EXOSC10: variants seen among roughly 807,000 people sequenced by gnomAD.
EXOSC10 encodes the protein exosome complex component 10.
EXOSC10 carries 94 observed loss-of-function variants against 126.6 expected under a neutral mutation model. That is an observed-to-expected ratio of 0.74 (90% CI 0.63 to 0.88). The LOEUF (loss-of-function observed/expected upper bound fraction) is 0.88. Among genes scored for constraint, EXOSC10 ranks in the 40% least tolerant of loss-of-function variants. EXOSC10 has a pLI of 0.00. For missense variants in EXOSC10, 1,041 were observed against 1,100.5 expected, an observed-to-expected ratio of 0.95 and a Z score of 0.77; for synonymous variants, 395 against 400.8, an observed-to-expected ratio of 0.99 and a Z score of 0.17.
At chr1:11,080,171 C>T (rs1287707691) in intron 13 of EXOSC10, among the ~76,000 whole-genome samples, 3 of 152,204 alleles carry the variant, frequency 2.0e-5, no homozygotes, top group Admixed American at 2.0e-4. Context: ...CGTTTAAGAT[C>T]ATGAGCTGCT....
At chr1:11,074,353 C>G in intron 17 of EXOSC10, 27 bp from the exon 18 acceptor site, 1 of 1,483,354 alleles carries the variant, frequency 6.7e-7, no homozygotes, top group Admixed American at 1.7e-5. Context: ...AAAACGATCA[C>G]TAATGACCAT....
At chr1:11,076,996 A>T (rs1570805005) in intron 16 of EXOSC10, 48 bp from the exon 17 acceptor site, 3 of 1,495,958 alleles carry the variant, frequency 2.0e-6, no homozygotes, top group Non-Finnish European at 2.8e-6. Flanking sequence ...AATTTTGTTT[A>T]TTTTTTCTTT....
chr1:11,070,426 G>A (rs1338072389), intron 21 of EXOSC10, among the ~76,000 whole-genome samples: 1 of 151,294 alleles, frequency 6.6e-6, no homozygotes, highest in East Asian at 1.9e-4. Context: ...GGTGGTTGAG[G>A]AGGGAGGATC....
At chr1:11,068,511 C>A (rs1211242445) in intron 23 of EXOSC10, 134 bp downstream of exon 23, 3 of 726,360 alleles carry the variant, frequency 4.1e-6, no homozygotes, top group East Asian at 2.5e-5. Flanking sequence ...TACTGTCTGC[C>A]CTTGGGAAGA....
chr1:11,077,598 T>C lies in EXOSC10; in HGVS notation c.1800+3A>G. 4 of 1,614,072 alleles carry C rather than the reference T, an allele frequency of 2.5e-6. No homozygotes were observed. Among genetic ancestry groups the C allele is most frequent in the Non-Finnish European group, 3.4e-6 (4 of 1,179,984 alleles). On this transcript the variant is annotated splice_donor_region_variant and intron_variant, in intron 15 of 24. Coordinates refer to ENST00000376936, the MANE Select transcript of EXOSC10 (RefSeq NM_001001998.3). ...GGGGGAGAAAACAGATCCGACACTC[T>C]ACCTCAGCACTGGGCAGCGGTCCGC...
chr1:11,078,141 G>A lies in EXOSC10; in HGVS notation c.1750-490C>T, dbSNP rs138639379. On this transcript the variant is annotated intron_variant, in intron 14 of 24. Transcript: ENST00000376936. ...TAAAAAAAACATAGCTGGGTATGGTGGTGTATGCCTGTGGTCCCAGCTGCT... is the reference window on the plus strand; with the variant it reads ...TAAAAAAAACATAGCTGGGTATGGTAGTGTATGCCTGTGGTCCCAGCTGCT... Among the ~76,000 whole-genome samples, 506 of 152,284 alleles carry A rather than the reference G, an allele frequency of 3.3e-3. 6 individuals carry two copies. Among genetic ancestry groups the A allele is most frequent in the African/African-American group, 0.012 (490 of 41,560 alleles).
intron 20 of EXOSC10, 75 bp downstream of exon 20, chr1:11,072,012 G>T: frequency 1.6e-6 from 2 of 1,214,700 alleles, no homozygotes; most frequent in Non-Finnish European, 1.2e-6. Flanking sequence ...GCCGTATCTG[G>T]CACTTGGCTG....
intron 6 of EXOSC10, among the ~76,000 whole-genome samples, chr1:11,090,155 G>C (rs181587628): frequency 6.6e-6 from 1 of 151,830 alleles, no homozygotes; most frequent in Middle Eastern, 3.2e-3. Flanking sequence ...ACACCACCTC[G>C]CCTGGCTAAT....
intron 16 of EXOSC10, 107 bp from the exon 17 acceptor site, chr1:11,077,055 A>C: frequency 1.2e-6 from 1 of 807,582 alleles, no homozygotes; most frequent in Non-Finnish European, 2.0e-6. Context: ...ACAATGGCAC[A>C]ATCTCGGCTC....
intron 10 of EXOSC10, among the ~76,000 whole-genome samples, chr1:11,081,780 T>A (rs1405488821): frequency 6.6e-6 from 1 of 152,188 alleles, no homozygotes; most frequent in Non-Finnish European, 1.5e-5. Flanking sequence ...TACTTTTATA[T>A]TTAGAAATTC....
Position 11,080,896 on chromosome 1 carries a change from A to G in EXOSC10, c.1454T>C (p.Ile485Thr), listed in dbSNP as rs533030799. ...DICLKKFIKP[I>T]FTDESYLELY... Reference sequence around the variant, plus strand: ...TTCAAGGTAGGACTCATCCGTGAAGATAGGTTTGATGAATTTCTACAAAGT... The same window carrying G: ...TTCAAGGTAGGACTCATCCGTGAAGGTAGGTTTGATGAATTTCTACAAAGT... The change falls in exon 12 of 25, where the codon ATC (isoleucine) becomes ACC (threonine). Residue 485 changes from isoleucine to threonine, a missense_variant. Physicochemically the swap from Ile to Thr is moderately conservative, Grantham distance 89. Around this residue, in one of 3 missense-constraint regions of EXOSC10, gnomAD observed 645 missense variants for 656.3 expected, o/e 0.98. Transcript: ENST00000376936. 3 of 1,607,362 alleles carry G rather than the reference A, an allele frequency of 1.9e-6. No homozygotes were observed. The highest frequency in any genetic ancestry group is 2.7e-5 in the African/African-American group (2 of 74,630).
chr1:11,084,448 G>A (rs1359926255), intron 9 of EXOSC10, among the ~76,000 whole-genome samples: 2 of 152,142 alleles, frequency 1.3e-5, no homozygotes, highest in African/African-American at 2.4e-5. Flanking sequence ...GTCTGTTCAT[G>A]TCCTTCACCC....
rs184017872 is a variant in EXOSC10 at position 11,087,575 on chromosome 1, C to G, written c.962G>C (p.Ser321Thr). The G allele has an allele frequency of 3.2e-5, 52 of 1,614,022 alleles. No homozygotes were observed. The Middle Eastern group carries it at 1.8e-3, about 56-fold the overall frequency. Residue 321 changes from serine (S) to threonine (T), a missense_variant, in exon 9 of 25, where the codon AGC (serine) becomes ACC (threonine). By Grantham distance (58) the Ser-to-Thr change is moderately conservative. Transcript: ENST00000376936. ...CATCAGGCAGGTCAGTCCCAGGAAG[C>G]TCCTGTAAGAGTGGTGCTAAACCCC... ...AVDLEHHSYR[S>T]FLGLTCLMQI...
intron 10 of EXOSC10, among the ~76,000 whole-genome samples, chr1:11,082,244 C>T (rs1040196601): frequency 3.9e-5 from 6 of 152,048 alleles, no homozygotes; most frequent in African/African-American, 1.4e-4. Flanking sequence ...AAAACTGCTA[C>T]CTTATGCCAC....
intron 2 of EXOSC10, among the ~76,000 whole-genome samples, chr1:11,097,365 G>C (rs553211484): frequency 6.6e-6 from 1 of 151,430 alleles, no homozygotes; most frequent in Non-Finnish European, 1.5e-5. Flanking sequence ...GTGATGGAGC[G>C]AGACTCCATC....
At position 11,077,569 on chromosome 1, in the gene EXOSC10, T is replaced by TC. The variant is rs1459396137; in HGVS notation, c.1800+31dup. On this transcript the variant is annotated intron_variant, in intron 15 of 24. Coordinates refer to ENST00000376936, the MANE Select transcript of EXOSC10 (RefSeq NM_001001998.3). ...ACTGGCTGTGACTTGACGTTTTCCCTCCTGGGGGAGAAAACAGATCCGACA... is the reference window on the plus strand; with the variant it reads ...ACTGGCTGTGACTTGACGTTTTCCCTCCCTGGGGGAGAAAACAGATCCGACA... 3 of 1,613,058 alleles carry TC rather than the reference T, an allele frequency of 1.9e-6. No individual in the cohort carries two copies. The African/African-American group carries it at 4.0e-5, about 22-fold the overall frequency.
At chr1:11,076,978 G>A in intron 16 of EXOSC10, 30 bp from the exon 17 acceptor site, 2 of 1,551,684 alleles carry the variant, frequency 1.3e-6, no homozygotes, top group Non-Finnish European at 1.8e-6. Context: ...TAAGGTCAAA[G>A]CCTACAGAAT....
chr1:11,076,839 C>G lies in EXOSC10; in HGVS notation c.1986+3G>C, dbSNP rs1352730506. The G allele has an allele frequency of 6.2e-7, 1 of 1,607,714 alleles. No individual in the cohort carries two copies. The highest frequency in any genetic ancestry group is 2.2e-5 in the East Asian group (1 of 44,852). The stretch of plus-strand genomic sequence containing the variant: ...ACCTCAGTGAAGTTTCTGTGCTACT[C>G]ACATTAAATAACGTGATGACAGCTG... On this transcript the variant is annotated splice_donor_region_variant and intron_variant, in intron 17 of 24. Coordinates refer to ENST00000376936, the MANE Select transcript of EXOSC10 (RefSeq NM_001001998.3).
intron 7 of EXOSC10, 75 bp downstream of exon 7, chr1:11,088,048 T>G: frequency 7.4e-7 from 1 of 1,350,650 alleles, no homozygotes; most frequent in South Asian, 1.2e-5. Flanking sequence ...AAGTCAAAAT[T>G]GCATCAATGA....
Sources: allele counts gnomAD v4.1 joint callset (sites outside exome capture counted in the v4.1 genomes callset), GRCh38; gene constraint gnomAD v4.1.1; regional missense constraint gnomAD v4.1.1; transcripts MANE v1.5; gene names NCBI Gene and HGNC (gene_info 2026-07-23, HGNC 2026-07-21).